The following C10orf143 variants were observed in gnomAD, a reference collection of about 807,000 sequenced individuals.
C10orf143 encodes chromosome 10 open reading frame 143, also known as uncharacterized protein C10orf143.
intron 3 of C10orf143, among the ~76,000 whole-genome samples, chr10:130,038,667 C>T (rs979853652): frequency 6.6e-6 from 1 of 152,192 alleles, no homozygotes; most frequent in Non-Finnish European, 1.5e-5. Flanking sequence ...GGCCCTTCCC[C>T]ACCCCCCAGG....
chr10:130,110,434 G>A (rs556269016), intron 1 of C10orf143, among the ~76,000 whole-genome samples: 1 of 152,220 alleles, frequency 6.6e-6, no homozygotes, highest in Non-Finnish European at 1.5e-5. Context: ...CCTGGGTCTG[G>A]AGCCCCAGTG....
rs147512396 is a variant in C10orf143, at chr10:130,075,450, C to G, written c.297+4116G>C. Reference sequence around the variant, plus strand: ...CAGGCCCGGAGACCTCTGTTAGAAACAGCAACTTTCCTCCCCAGGAGAATC... The same window carrying G: ...CAGGCCCGGAGACCTCTGTTAGAAAGAGCAACTTTCCTCCCCAGGAGAATC... On this transcript the variant is annotated intron_variant, in intron 3 of 3. Transcript: ENST00000637128. 2.0e-4 allele frequency among the ~76,000 whole-genome samples: 31 copies of G among 152,312 alleles called. No homozygotes were observed. The East Asian group carries it at 6.0e-3, about 29-fold the overall frequency.
At chr10:130,060,724 G>A (rs1860847383), downstream of C10orf143, among the ~76,000 whole-genome samples, 1 of 150,000 alleles carries the variant, frequency 6.7e-6, no homozygotes, top group African/African-American at 2.5e-5. Flanking sequence ...TCGGGAGGCT[G>A]AGGCAGGAGA....
intron 1 of C10orf143, among the ~76,000 whole-genome samples, chr10:130,082,878 T>C (rs112652379): frequency 2.7e-5 from 4 of 150,446 alleles, no homozygotes; most frequent in African/African-American, 7.3e-5. Flanking sequence ...AAAGATTTTC[T>C]AACTATGATT....
At chr10:130,035,426 A>G (rs1481068343) in intron 4 of C10orf143, among the ~76,000 whole-genome samples, 1 of 152,224 alleles carries the variant, frequency 6.6e-6, no homozygotes, top group Non-Finnish European at 1.5e-5. Flanking sequence ...GGGGGTTAGG[A>G]TATCGATACA....
chr10:130,081,015 G>A (rs535496625), intron 1 of C10orf143, among the ~76,000 whole-genome samples: 2 of 152,232 alleles, frequency 1.3e-5, no homozygotes, highest in East Asian at 1.9e-4. Flanking sequence ...TATTAAATCG[G>A]TTTAAATACA....
At chr10:130,072,634 T>C (rs1389601224) in intron 3 of C10orf143, among the ~76,000 whole-genome samples, 1 of 152,216 alleles carries the variant, frequency 6.6e-6, no homozygotes, top group Non-Finnish European at 1.5e-5. Context: ...ACTATGGCTC[T>C]ATTTCTTCTT....
intron 1 of C10orf143, among the ~76,000 whole-genome samples, chr10:130,089,497 T>C (rs1421715222): frequency 6.6e-6 from 1 of 152,200 alleles, no homozygotes; most frequent in Non-Finnish European, 1.5e-5. Flanking sequence ...CTTAGCCAAC[T>C]TGCCTGAAGT....
intron 1 of C10orf143, among the ~76,000 whole-genome samples, chr10:130,097,051 C>T (rs1376715254): frequency 6.6e-6 from 1 of 151,410 alleles, no homozygotes; most frequent in Non-Finnish European, 1.5e-5. Context: ...ACCTCTACCT[C>T]CTGGGTTCAA....
chr10:130,047,044 A>G (rs1049906932), intron 3 of C10orf143, among the ~76,000 whole-genome samples: 2 of 152,258 alleles, frequency 1.3e-5, no homozygotes, highest in African/African-American at 4.8e-5. Context: ...TCACTGGAAG[A>G]GATGTGTCTC....
At chr10:130,093,441 A>G (rs1189790519) in intron 1 of C10orf143, among the ~76,000 whole-genome samples, 1 of 152,230 alleles carries the variant, frequency 6.6e-6, no homozygotes, top group African/African-American at 2.4e-5. Context: ...TTATAGCACT[A>G]AATGCCACAG....
chr10:130,096,148 C>T (rs534153561), intron 1 of C10orf143, among the ~76,000 whole-genome samples: 2 of 152,204 alleles, frequency 1.3e-5, no homozygotes, highest in South Asian at 4.1e-4. Flanking sequence ...TGAACAGACA[C>T]CTCTGAAAAG....
chr10:130,074,629 T>A (rs947860065), intron 3 of C10orf143, among the ~76,000 whole-genome samples: 1 of 152,188 alleles, frequency 6.6e-6, no homozygotes, highest in Non-Finnish European at 1.5e-5. Flanking sequence ...AGGGCAGAGA[T>A]CACTGGGTTC....
chr10:130,103,409 G>C (rs1475394340), intron 1 of C10orf143, among the ~76,000 whole-genome samples: 1 of 152,164 alleles, frequency 6.6e-6, no homozygotes, highest in Non-Finnish European at 1.5e-5. Flanking sequence ...AGAATCACTT[G>C]AACCCAGGAG....
chr10:130,060,646 AC>A (rs1860846009), downstream of C10orf143, among the ~76,000 whole-genome samples: 1 of 150,992 alleles, frequency 6.6e-6, no homozygotes, highest in Non-Finnish European at 1.5e-5. Flanking sequence ...ACACGGTGAA[AC>A]CCCATCTCTA....
At chr10:130,042,047 G>C (rs1002318067) in intron 3 of C10orf143, among the ~76,000 whole-genome samples, 2 of 151,952 alleles carry the variant, frequency 1.3e-5, no homozygotes, top group Non-Finnish European at 2.9e-5. Flanking sequence ...ATATGCACTT[G>C]TGTACACACG....
intron 1 of C10orf143, among the ~76,000 whole-genome samples, chr10:130,097,851 A>G (rs928315125): frequency 6.6e-6 from 1 of 152,308 alleles, no homozygotes; most frequent in African/African-American, 2.4e-5. Flanking sequence ...AAGTTCCAGA[A>G]AAGGCAAATC....
intron 3 of C10orf143, among the ~76,000 whole-genome samples, chr10:130,045,636 A>G (rs1235486915): frequency 6.6e-6 from 1 of 152,262 alleles, no homozygotes; most frequent in Non-Finnish European, 1.5e-5. Context: ...ATGTCAAAAA[A>G]TAAATGCAGC....
chr10:130,062,380 C>A (rs1458427278), downstream of C10orf143, among the ~76,000 whole-genome samples: 1 of 152,128 alleles, frequency 6.6e-6, no homozygotes, highest in East Asian at 1.9e-4. Context: ...GAGGCGGACT[C>A]ACCCTCAATC....
Sources: allele counts gnomAD v4.1 joint callset (sites outside exome capture counted in the v4.1 genomes callset), GRCh38; gene constraint gnomAD v4.1.1; transcripts MANE v1.5; gene names NCBI Gene and HGNC (gene_info 2026-07-23, HGNC 2026-07-21).